CACNA2D1: variants seen among roughly 807,000 people sequenced by gnomAD.
CACNA2D1 encodes the protein voltage-dependent calcium channel subunit alpha-2/delta-1.
A neutral mutation model predicts 171.5 loss-of-function variants in CACNA2D1; 53 were observed. That is an observed-to-expected ratio of 0.31 (90% confidence interval 0.25 to 0.39). CACNA2D1 has a LOEUF of 0.39. Among genes scored for constraint, CACNA2D1 ranks in the 10% least tolerant of loss-of-function variants. The pLI is 1.00. For missense variants in CACNA2D1, 903 were observed against 1,299.8 expected, an observed-to-expected ratio of 0.69 and a Z score of 4.69; for synonymous variants, 442 against 443.1, an observed-to-expected ratio of 1.00 and a Z score of 0.03.
chr7:82,075,763 A>C (rs116295426), intron 7 of CACNA2D1, among the ~76,000 whole-genome samples: 173 of 152,314 alleles, frequency 1.1e-3, no homozygotes, highest in African/African-American at 4.1e-3. Flanking sequence ...TTGACAAAAA[A>C]ATCTTTTTAA....
At chr7:82,366,503 C>T (rs372543869) in intron 1 of CACNA2D1, among the ~76,000 whole-genome samples, 3 of 152,300 alleles carry the variant, frequency 2.0e-5, no homozygotes, top group South Asian at 4.1e-4. Context: ...TGCATTAATT[C>T]TCTTAGGATA....
chr7:81,976,072 G>A (rs1331732563), intron 24 of CACNA2D1, among the ~76,000 whole-genome samples: 2 of 151,008 alleles, frequency 1.3e-5, no homozygotes, highest in East Asian at 1.9e-4. Context: ...AGACATCCAA[G>A]TTACTCTGGG....
At chr7:82,273,446 T>C (rs2214969) in intron 3 of CACNA2D1, among the ~76,000 whole-genome samples, 43,001 of 150,954 alleles carry the variant, frequency 0.28, 6,925 homozygotes, top group Non-Finnish European at 0.36. Context: ...TTATTTATTA[T>C]GTATTATTGT....
intron 1 of CACNA2D1, among the ~76,000 whole-genome samples, chr7:82,405,473 C>G (rs189073975): frequency 6.6e-6 from 1 of 152,138 alleles, no homozygotes; most frequent in Non-Finnish European, 1.5e-5. Context: ...TGCAACATCC[C>G]TGGGAAAAAT....
chr7:82,152,799 C>G (rs1263226924), intron 4 of CACNA2D1, among the ~76,000 whole-genome samples: 1 of 151,828 alleles, frequency 6.6e-6, no homozygotes, highest in African/African-American at 2.4e-5. Context: ...ACTGGAGTAA[C>G]TCTTTAGTTA....
At chr7:82,107,708 C>G (rs182160035) in intron 6 of CACNA2D1, among the ~76,000 whole-genome samples, 2 of 151,748 alleles carry the variant, frequency 1.3e-5, no homozygotes, top group South Asian at 2.1e-4. Context: ...CTCAGCCTCC[C>G]GAGTAGCTGG....
intron 3 of CACNA2D1, among the ~76,000 whole-genome samples, chr7:82,182,346 C>T (rs1797214212): frequency 6.6e-6 from 1 of 152,078 alleles, no homozygotes; most frequent in Non-Finnish European, 1.5e-5. Context: ...ATGGAAAGGC[C>T]CCATCTCACT....
intron 4 of CACNA2D1, among the ~76,000 whole-genome samples, chr7:82,141,374 T>TA (rs200737493): frequency 0.22 from 32,308 of 148,934 alleles, 3,935 homozygotes; most frequent in African/African-American, 0.35. Flanking sequence ...GGAGGAAATT[T>TA]AAAAAAAAAA....
intron 3 of CACNA2D1, among the ~76,000 whole-genome samples, chr7:82,274,577 A>G (rs745595869): frequency 6.6e-6 from 1 of 152,076 alleles, no homozygotes; most frequent in East Asian, 1.9e-4. Context: ...TTCTTCCTAC[A>G]TTTCTAATCA....
At chr7:82,126,591 T>C (rs1428781304) in intron 5 of CACNA2D1, among the ~76,000 whole-genome samples, 2 of 152,188 alleles carry the variant, frequency 1.3e-5, no homozygotes, top group Admixed American at 1.3e-4. Context: ...CTGCAGTGTT[T>C]TCGAATAAAC....
intron 2 of CACNA2D1, among the ~76,000 whole-genome samples, chr7:82,338,202 A>G (rs1169904981): frequency 6.6e-6 from 1 of 152,154 alleles, no homozygotes; most frequent in Non-Finnish European, 1.5e-5. Flanking sequence ...TTACTCAATG[A>G]TATAATTGCT....
In CACNA2D1 at chr7:81,950,363, T is replaced by C; in HGVS notation, c.*29A>G. 6.2e-7 allele frequency: 1 copy of C among 1,612,904 alleles called. No homozygotes were observed. The highest frequency in any genetic ancestry group is 1.1e-5 in the South Asian group (1 of 91,062). On this transcript the variant is annotated 3_prime_UTR_variant, in exon 39 of 39. Transcript: ENST00000356860. ...CTCATGTTTTGGCAGGGTCTGGAGT[T>C]TAACTATGCAGATTTGGTTTTTAGA...
intron 6 of CACNA2D1, among the ~76,000 whole-genome samples, chr7:82,106,214 T>C (rs1787740788): frequency 1.3e-5 from 2 of 152,118 alleles, no homozygotes; most frequent in Admixed American, 6.6e-5. Flanking sequence ...TAGGGAGAAA[T>C]CGAGTAAGAT....
intron 3 of CACNA2D1, among the ~76,000 whole-genome samples, chr7:82,238,095 G>T (rs1011406016): frequency 1.4e-4 from 22 of 152,066 alleles, no homozygotes; most frequent in African/African-American, 4.8e-4. Flanking sequence ...GAAATGAAAA[G>T]ATAGAGGTCC....
intron 1 of CACNA2D1, among the ~76,000 whole-genome samples, chr7:82,419,250 G>GA (rs983082092): frequency 4.4e-4 from 67 of 151,606 alleles, no homozygotes; most frequent in Admixed American, 3.5e-3. Flanking sequence ...TTTCAGCCAA[G>GA]AAAAAAAAAT....
intron 3 of CACNA2D1, among the ~76,000 whole-genome samples, chr7:82,332,524 AAGAAAGAAAGAAAGAAAGAAAGAAAG>A (rs1288218897): frequency 1.6e-4 from 23 of 139,944 alleles, no homozygotes; most frequent in South Asian, 6.8e-4. Flanking sequence ...GAAAGAAAGA[AAGAAAGAAAGAAAGAAAGAAAGAAAG>A]AAAGAAAGAA....
At chr7:81,968,117 A>C (rs1794900691) in intron 29 of CACNA2D1, among the ~76,000 whole-genome samples, 1 of 151,382 alleles carries the variant, frequency 6.6e-6, no homozygotes, top group African/African-American at 2.4e-5. Flanking sequence ...GTAATTGAGC[A>C]ATTGAGTGAA....
intron 6 of CACNA2D1, among the ~76,000 whole-genome samples, chr7:82,104,782 G>A (rs921086846): frequency 6.6e-6 from 1 of 151,898 alleles, no homozygotes; most frequent in African/African-American, 2.4e-5. Context: ...TTAACAGTAC[G>A]ATACGATTTA....
chr7:81,974,778 G>A (rs1044564387), intron 24 of CACNA2D1, among the ~76,000 whole-genome samples: 4 of 72,558 alleles, frequency 5.5e-5, no homozygotes, highest in African/African-American at 2.3e-4. Context: ...GACAGTAGGT[G>A]CTCAATAAGT....
Sources: gnomAD v4.1 joint callset for allele counts (sites outside exome capture counted in the v4.1 genomes callset) on GRCh38, gnomAD v4.1.1 for gene constraint, MANE v1.5 for transcripts, NCBI Gene and HGNC (gene_info 2026-07-23, HGNC 2026-07-21) for gene names.